IRF2: variants seen among roughly 807,000 people sequenced by gnomAD.
IRF2 encodes the protein interferon regulatory factor 2.
A neutral mutation model predicts 40.6 loss-of-function variants in IRF2; 15 were observed. That is an observed-to-expected ratio of 0.37 (90% confidence interval 0.25 to 0.57). IRF2 has a LOEUF of 0.57. Among genes scored for constraint, IRF2 ranks in the 20% least tolerant of loss-of-function variants. The pLI is 0.77. For synonymous variants in IRF2, 151 were observed against 165.5 expected (o/e 0.91, Z 0.67); for missense variants, 317 against 455.7 (o/e 0.70, Z 2.77).
At chr4:184,459,330 C>T (rs1047711000) in intron 1 of IRF2, among the ~76,000 whole-genome samples, 2 of 152,188 alleles carry the variant, frequency 1.3e-5, no homozygotes, top group African/African-American at 4.8e-5. Context: ...ATACTAAGTA[C>T]TTAACCTGGC....
intron 1 of IRF2, among the ~76,000 whole-genome samples, chr4:184,463,878 G>A (rs1261248605): frequency 6.6e-6 from 1 of 152,176 alleles, no homozygotes; most frequent in Non-Finnish European, 1.5e-5. Flanking sequence ...TCCAACAGGG[G>A]TCTGGTAAAG....
At chr4:184,461,908 C>T (rs757951079) in intron 1 of IRF2, among the ~76,000 whole-genome samples, 6 of 152,102 alleles carry the variant, frequency 3.9e-5, no homozygotes, top group African/African-American at 7.2e-5. Context: ...CGCAGGCTTC[C>T]CAAGTTTCCA....
At position 184,413,066 on chromosome 4, in the gene IRF2, G is replaced by A. The variant is rs954657828; in HGVS notation, c.412-4791C>T. Among the ~76,000 whole-genome samples, 2 of 152,142 alleles carry A rather than the reference G, an allele frequency of 1.3e-5. No individual in the cohort carries two copies. The highest frequency in any genetic ancestry group is 2.1e-4 in the South Asian group (1 of 4,828). ...CTCGCTTCTGAAGGTGCAAAACGCC[G>A]GGGCCTCCTCTTTAGGCCGCTCTTA... On this transcript the variant is annotated intron_variant, in intron 5 of 8. Transcript: ENST00000393593. This position sits in a 1 kb window ranked among gnomAD's most constrained non-coding sequence, Gnocchi z 4.2.
At chr4:184,438,613 T>C (rs904642038) in intron 1 of IRF2, among the ~76,000 whole-genome samples, 3 of 152,024 alleles carry the variant, frequency 2.0e-5, no homozygotes, top group African/African-American at 7.2e-5. Flanking sequence ...CTGTGGGAAG[T>C]AGAATGCAGA....
chr4:184,457,726 C>A (rs3822123), intron 1 of IRF2, among the ~76,000 whole-genome samples: 51,410 of 151,978 alleles, frequency 0.34, 10,644 homozygotes, highest in East Asian at 0.47. Flanking sequence ...CAAATGCACA[C>A]GCCTCAGAGC....
intron 1 of IRF2, among the ~76,000 whole-genome samples, chr4:184,462,236 G>A (rs757139690): frequency 6.6e-6 from 1 of 152,218 alleles, no homozygotes; most frequent in Non-Finnish European, 1.5e-5. Flanking sequence ...AAAGCTCTGA[G>A]CCACTGAGCA....
chr4:184,402,487 G>T (rs1054856151), intron 6 of IRF2, among the ~76,000 whole-genome samples: 1 of 152,162 alleles, frequency 6.6e-6, no homozygotes, highest in African/African-American at 2.4e-5. Context: ...CCCGTATGGA[G>T]CTTTGAGTTG....
chr4:184,393,734 G>A (rs768192308), intron 7 of IRF2, among the ~76,000 whole-genome samples: 4 of 151,670 alleles, frequency 2.6e-5, no homozygotes, highest in African/African-American at 9.6e-5. Context: ...AGGAAGATGC[G>A]CCCTATTAGG....
chr4:184,412,328 T>C (rs997670190), intron 5 of IRF2, among the ~76,000 whole-genome samples: 1 of 152,082 alleles, frequency 6.6e-6, no homozygotes, highest in African/African-American at 2.4e-5. Context: ...ACTTGCTGAA[T>C]GGGCTTGGGG....
intron 1 of IRF2, among the ~76,000 whole-genome samples, chr4:184,453,719 T>G (rs1038440457): frequency 1.3e-5 from 2 of 152,142 alleles, no homozygotes; most frequent in African/African-American, 4.8e-5. Context: ...TCAGAGTGGA[T>G]AACTGAGCCA....
intron 1 of IRF2, among the ~76,000 whole-genome samples, chr4:184,460,003 T>C (rs1182624118): frequency 1.3e-5 from 2 of 152,220 alleles, no homozygotes; most frequent in African/African-American, 4.8e-5. Context: ...TCTACAGAAT[T>C]GAAATAACTG....
chr4:184,424,756 C>T lies in IRF2; in HGVS notation c.87+4222G>A, dbSNP rs533360483. 1.1e-3 allele frequency among the ~76,000 whole-genome samples: 169 copies of T among 152,286 alleles called. No homozygotes were observed. The Middle Eastern group carries it at 0.014, about 12-fold the overall frequency. ...TCTGTTAGAAGCAACAGGGAACAGA[C>T]TAAGACAATAGAGGATGGAAACAAA... is the stretch of plus-strand genomic sequence containing the variant. On this transcript the variant is annotated intron_variant, in intron 2 of 8. Transcript: ENST00000393593.
Position 184,438,396 on chromosome 4 carries a change from T to C in IRF2, c.-6-9326A>G, listed in dbSNP as rs150173995. 7.1e-4 allele frequency among the ~76,000 whole-genome samples: 108 copies of C among 152,310 alleles called. No individual in the cohort carries two copies. In the East Asian group the frequency reaches 0.019, roughly 26 times the overall value. ...TTTAACTTAATTTTAATTTACAATA[T>C]GATAGAATGGAAAATGAGGGAGCAC... On this transcript the variant is annotated intron_variant, in intron 1 of 8. Transcript: ENST00000393593.
At chr4:184,429,933 C>T (rs1054427676) in intron 1 of IRF2, among the ~76,000 whole-genome samples, 2 of 152,170 alleles carry the variant, frequency 1.3e-5, no homozygotes, top group Non-Finnish European at 2.9e-5. Flanking sequence ...CACTGTCCCC[C>T]ACTCATCTTC....
rs191300127 is a variant in IRF2 at position 184,466,665 on chromosome 4, A to C, written c.-7+7714T>G. Among the ~76,000 whole-genome samples the C allele has an allele frequency of 3.7e-3, 568 of 152,312 alleles. 4 individuals carry two copies. Among genetic ancestry groups the C allele is most frequent in the African/African-American group, 0.012 (512 of 41,572 alleles). On this transcript the variant is annotated intron_variant, in intron 1 of 8. Coordinates refer to ENST00000393593, the MANE Select transcript of IRF2 (RefSeq NM_002199.4). ...ATTGAGTTTGGGGCCTCACATAGTG[A>C]GTATCAGTTTCCCCATCCCCAAACA...
In IRF2 at chr4:184,456,265, T is replaced by C. The variant is rs140906338; in HGVS notation, c.-7+18114A>G. ...CCTATGGGGAAGTTTTAATATTTTA[T>C]GTAAAAACCCAGAAGAGAGGACTCT... On this transcript the variant is annotated intron_variant, in intron 1 of 8. Coordinates refer to ENST00000393593, the MANE Select transcript of IRF2 (RefSeq NM_002199.4). Among the ~76,000 whole-genome samples the C allele has an allele frequency of 2.6e-3, 401 of 152,262 alleles. 2 individuals carry two copies. The highest frequency in any genetic ancestry group is 8.9e-3 in the African/African-American group (368 of 41,536).
intron 8 of IRF2, 141 bp from the exon 9 acceptor site, chr4:184,389,207 C>T: frequency 1.3e-6 from 1 of 798,248 alleles, no homozygotes; most frequent in Non-Finnish European, 2.0e-6. Context: ...ATCACTTAAC[C>T]TCAGGAGTTT....
At chr4:184,421,752 C>T (rs1277026474) in intron 2 of IRF2, among the ~76,000 whole-genome samples, 2 of 152,112 alleles carry the variant, frequency 1.3e-5, no homozygotes, top group African/African-American at 2.4e-5. Context: ...CACAACCAAA[C>T]CTAGTCCCAC....
chr4:184,407,195 C>T (rs72701797), intron 6 of IRF2: 39,316 of 1,289,318 alleles, frequency 0.03, 772 homozygotes, highest in African/African-American at 0.062. Flanking sequence ...AAGAGGCCAG[C>T]GGAGGCCTGT....
Sources: allele counts gnomAD v4.1 joint callset (sites outside exome capture counted in the v4.1 genomes callset), GRCh38; gene constraint gnomAD v4.1.1; non-coding constraint Gnocchi (gnomAD v3.1); transcripts MANE v1.5; gene names NCBI Gene and HGNC (gene_info 2026-07-23, HGNC 2026-07-21).